The following CHD9 variants were observed in gnomAD, a reference collection of about 807,000 sequenced individuals.
CHD9 encodes the protein chromodomain helicase DNA binding protein 9, also known as ATP-dependent chromatin remodeler CHD9.
CHD9 carries 77 observed loss-of-function variants against 316.1 expected under a neutral mutation model. The observed-to-expected ratio is 0.24, with a 90% CI of 0.20 to 0.29. CHD9 has a LOEUF of 0.29. CHD9 is among the 10% of genes least tolerant of loss of function. CHD9 has a pLI of 1.00. For synonymous variants in CHD9, 1,129 were observed against 1,158.3 expected (o/e 0.97, Z 0.51); for missense variants, 2,763 against 3,438.1 (o/e 0.80, Z 4.91).
intron 1 of CHD9, among the ~76,000 whole-genome samples, chr16:53,145,787 T>A (rs2040525145): frequency 6.6e-6 from 1 of 152,014 alleles, no homozygotes; most frequent in African/African-American, 2.4e-5. Context: ...CTAAGTATAC[T>A]ACCAAAAGCT....
At chr16:53,171,584 T>C (rs1196961234) in intron 2 of CHD9, among the ~76,000 whole-genome samples, 1 of 152,030 alleles carries the variant, frequency 6.6e-6, no homozygotes, top group Non-Finnish European at 1.5e-5. Context: ...ACGCTGTGGC[T>C]CATGTTTATA....
At chr16:53,112,856 A>G (rs564195562) in intron 1 of CHD9, among the ~76,000 whole-genome samples, 1 of 152,190 alleles carries the variant, frequency 6.6e-6, no homozygotes, top group South Asian at 2.1e-4. Context: ...TCTCTACAAA[A>G]ATAAAAATAA....
chr16:53,306,745 A>G (rs1162622742), intron 32 of CHD9, among the ~76,000 whole-genome samples: 1 of 152,122 alleles, frequency 6.6e-6, no homozygotes, highest in African/African-American at 2.4e-5. Context: ...ATTTAAATAC[A>G]TGTACATTCA....
chr16:53,127,813 C>G (rs184416319), intron 1 of CHD9, among the ~76,000 whole-genome samples: 3 of 151,664 alleles, frequency 2.0e-5, no homozygotes, highest in African/African-American at 7.3e-5. Flanking sequence ...CCAAGCTGCT[C>G]GGGAGGCTGA....
chr16:53,267,360 G>A lies in CHD9; in HGVS notation c.4387G>A (p.Glu1463Lys). ...AAGACCTTTTAGTGCCACAAAAGATGAATTGGCTGAATTATCTGAAGCTGA... is the reference window on the plus strand; with the variant it reads ...AAGACCTTTTAGTGCCACAAAAGATAAATTGGCTGAATTATCTGAAGCTGA... ...QTRPFSATKD[E>K]LAELSEAESE... The change falls in exon 21 of 39, where the codon GAA (glutamate) becomes AAA (lysine). Residue 1463 changes from glutamate (E) to lysine (K), a missense_variant. Glu to Lys is a moderately conservative substitution (Grantham distance 56). Transcript: ENST00000447540. 6.2e-7 allele frequency: 1 copy of A among 1,612,740 alleles called. No individual in the cohort carries two copies. The highest frequency in any genetic ancestry group is 8.5e-7 in the Non-Finnish European group (1 of 1,179,166).
At chr16:53,080,251 T>C (rs1403038860) in intron 1 of CHD9, among the ~76,000 whole-genome samples, 1 of 152,222 alleles carries the variant, frequency 6.6e-6, no homozygotes, top group Non-Finnish European at 1.5e-5. Context: ...GAAGGGTTTT[T>C]TTCTTTTTTT....
chr16:53,204,573 T>G (rs997340653), intron 2 of CHD9, among the ~76,000 whole-genome samples: 5 of 152,306 alleles, frequency 3.3e-5, no homozygotes, highest in South Asian at 2.1e-4. Flanking sequence ...TGTTGTTGTT[T>G]TTTTAGTAGT....
At chr16:53,149,327 T>C (rs948186670) in intron 1 of CHD9, among the ~76,000 whole-genome samples, 1 of 152,200 alleles carries the variant, frequency 6.6e-6, no homozygotes, top group African/African-American at 2.4e-5. Flanking sequence ...GTCTGGTTGG[T>C]CTATCTATTA....
intron 1 of CHD9, among the ~76,000 whole-genome samples, chr16:53,072,620 C>G (rs1380364709): frequency 6.6e-6 from 1 of 151,972 alleles, no homozygotes; most frequent in African/African-American, 2.4e-5. Context: ...AAGCAATCCT[C>G]TTGCCTCAGC....
Position 53,166,154 on chromosome 16 carries a change from G to A in CHD9, c.1452+8613G>A, listed in dbSNP as rs549467550. Among the ~76,000 whole-genome samples the A allele has an allele frequency of 3.5e-4, 54 of 152,184 alleles. 1 individual carries two copies. Among genetic ancestry groups the A allele is most frequent in the African/African-American group, 1.1e-3 (47 of 41,542 alleles). On this transcript the variant is annotated intron_variant, in intron 2 of 38. Coordinates refer to ENST00000447540, the MANE Select transcript of CHD9 (RefSeq NM_001308319.2). ...TATTAAAATGTTCTATTTTAACTGGGAAATTATAGAATATTAGCTAGTTCT... is the reference window on the plus strand; with the variant it reads ...TATTAAAATGTTCTATTTTAACTGGAAAATTATAGAATATTAGCTAGTTCT...
At chr16:53,275,093 A>T (rs911354861) in intron 24 of CHD9, among the ~76,000 whole-genome samples, 1 of 152,142 alleles carries the variant, frequency 6.6e-6, no homozygotes, top group Non-Finnish European at 1.5e-5. Flanking sequence ...GTGCAGTGGC[A>T]TGATACTGGC....
chr16:53,281,002 C>T (rs548445302), intron 24 of CHD9, among the ~76,000 whole-genome samples: 7 of 152,232 alleles, frequency 4.6e-5, no homozygotes, highest in South Asian at 4.1e-4. Flanking sequence ...TTTTCATTCC[C>T]TCTTGCTAGC....
At chr16:53,124,467 A>ATTTTTTTTTTTTTTT (rs753476091) in intron 1 of CHD9, among the ~76,000 whole-genome samples, 6 of 96,924 alleles carry the variant, frequency 6.2e-5, no homozygotes, top group African/African-American at 2.3e-4. Context: ...GTGAGACTTA[A>ATTTTTTTTTTTTTTT]TTTTTTTTTT....
chr16:53,314,448 C>T lies in CHD9; in HGVS notation c.7294C>T (p.Arg2432Ter), dbSNP rs748570455. 1.3e-6 allele frequency: 2 copies of T among 1,585,848 alleles called. No individual in the cohort carries two copies. The highest frequency in any genetic ancestry group is 1.7e-6 in the Non-Finnish European group (2 of 1,164,504). ...LDNQPIVKKR[R>*]GRRKNVEGVD... ...CAACCAGCCTATAGTCAAAAAAAGG[C>T]GAGGAAGGAGGAAGAATGTAGAAGG... Residue 2432 changes from arginine to a stop codon, truncating the protein, a stop_gained, in exon 35 of 39, where the codon CGA becomes TGA. Transcript: ENST00000447540. LOFTEE classifies it high-confidence loss of function.
chr16:53,301,767 C>CTTTTTTTTT (rs199846098), intron 30 of CHD9, among the ~76,000 whole-genome samples: 16 of 126,210 alleles, frequency 1.3e-4, no homozygotes, highest in Non-Finnish European at 1.7e-4. Context: ...TCTTTTTTTT[C>CTTTTTTTTT]TTTTTTTTTT....
At chr16:53,083,012 G>A (rs1430598551) in intron 1 of CHD9, among the ~76,000 whole-genome samples, 1 of 152,108 alleles carries the variant, frequency 6.6e-6, no homozygotes, top group Non-Finnish European at 1.5e-5. Flanking sequence ...CTTGTTCATT[G>A]ATGTAACCTT....
intron 27 of CHD9, among the ~76,000 whole-genome samples, chr16:53,290,854 A>G (rs2054274931): frequency 1.3e-5 from 2 of 152,236 alleles, no homozygotes; most frequent in South Asian, 4.1e-4. Context: ...ACAGTGGAAT[A>G]TGTATTAAAA....
intron 37 of CHD9, among the ~76,000 whole-genome samples, chr16:53,319,348 T>C (rs2057107297): frequency 6.6e-6 from 1 of 152,182 alleles, no homozygotes; most frequent in Non-Finnish European, 1.5e-5. Flanking sequence ...CCCAAAAACA[T>C]TTGAATTTCT....
In CHD9 at chr16:53,156,096, G is replaced by C; in HGVS notation, c.7G>C (p.Asp3His). The change falls in exon 2 of 39, where the codon GAT becomes CAT. Residue 3 changes from aspartate (D) to histidine (H), a missense_variant. Asp to His is a moderately conservative substitution (Grantham distance 81). Coordinates refer to ENST00000447540, the MANE Select transcript of CHD9 (RefSeq NM_001308319.2). MT[D>H]PMMDFFDDAN... ...TTGTTACAGAATTTTCAAGATGACAGATCCAATGATGGACTTTTTTGATGA... is the reference window on the plus strand; with the variant it reads ...TTGTTACAGAATTTTCAAGATGACACATCCAATGATGGACTTTTTTGATGA... 1 of 1,611,464 alleles carries C rather than the reference G, an allele frequency of 6.2e-7. No individual in the cohort carries two copies. Among genetic ancestry groups the C allele is most frequent in the Non-Finnish European group, 8.5e-7 (1 of 1,178,502 alleles).
Sources: gnomAD v4.1 joint callset for allele counts (sites outside exome capture counted in the v4.1 genomes callset) on GRCh38, gnomAD v4.1.1 for gene constraint, MANE v1.5 for transcripts, NCBI Gene and HGNC (gene_info 2026-07-23, HGNC 2026-07-21) for gene names.